PDE1A: variants seen among roughly 807,000 people sequenced by gnomAD.
PDE1A encodes dual specificity calcium/calmodulin-dependent 3',5'-cyclic nucleotide phosphodiesterase 1A.
PDE1A carries 35 observed loss-of-function variants against 61.7 expected under a neutral mutation model. That is an observed-to-expected ratio of 0.57 (90% confidence interval 0.43 to 0.75). The LOEUF (loss-of-function observed/expected upper bound fraction) is 0.75, where lower values mean the gene tolerates loss of function less well. Among genes scored for constraint, PDE1A ranks in the 30% least tolerant of loss-of-function variants. The pLI, the probability that PDE1A is intolerant of heterozygous loss-of-function variation, is 0.00. For missense variants in PDE1A, 597 were observed against 630.6 expected (o/e 0.95, Z 0.57); for synonymous variants, 232 against 213.2 (o/e 1.09, Z -0.77).
intron 2 of PDE1A, among the ~76,000 whole-genome samples, chr2:182,497,444 C>T (rs1350712134): frequency 6.6e-6 from 1 of 152,310 alleles, no homozygotes; most frequent in East Asian, 1.9e-4. Context: ...AAGGTAAGTC[C>T]TTAATTTCCT....
chr2:182,557,365 C>A, the PDE1A span, among the ~76,000 whole-genome samples: 2 of 152,124 alleles, frequency 1.3e-5, no homozygotes, highest in South Asian at 2.1e-4. Context: ...TTTCTCTGCA[C>A]TGTCATCTCT....
intron 1 of PDE1A, among the ~76,000 whole-genome samples, chr2:182,272,802 T>C (rs1283376961): frequency 6.6e-6 from 1 of 152,070 alleles, no homozygotes; most frequent in East Asian, 1.9e-4. Context: ...AATATATGTA[T>C]GAAAAAATAC....
the PDE1A span, among the ~76,000 whole-genome samples, chr2:182,647,663 T>C: frequency 0.16 from 23,723 of 152,138 alleles, 2,439 homozygotes; most frequent in African/African-American, 0.29. Context: ...CACCATCTGG[T>C]TCCAAAACCT....
At chr2:182,619,529 C>T in the PDE1A span, among the ~76,000 whole-genome samples, 2 of 152,040 alleles carry the variant, frequency 1.3e-5, no homozygotes, top group African/African-American at 4.8e-5. Flanking sequence ...TGAGTGCCTA[C>T]ATGGAAATAT....
At chr2:182,556,060 C>T in the PDE1A span, among the ~76,000 whole-genome samples, 1 of 146,382 alleles carries the variant, frequency 6.8e-6, no homozygotes, top group Non-Finnish European at 1.5e-5. Flanking sequence ...GAACTGTGTG[C>T]ATTGGTGAAT....
At chr2:182,607,798 A>C in the PDE1A span, among the ~76,000 whole-genome samples, 2 of 152,240 alleles carry the variant, frequency 1.3e-5, no homozygotes, top group African/African-American at 4.8e-5. Context: ...TTACTTAGGA[A>C]GTGACCTTGG....
At chr2:182,580,370 G>A in the PDE1A span, among the ~76,000 whole-genome samples, 7 of 152,104 alleles carry the variant, frequency 4.6e-5, no homozygotes, top group East Asian at 1.3e-3. Flanking sequence ...TTCGCTTATG[G>A]GTAGCTGTCT....
At chr2:182,279,355 T>C (rs1693651697) in intron 1 of PDE1A, among the ~76,000 whole-genome samples, 1 of 151,956 alleles carries the variant, frequency 6.6e-6, no homozygotes. Flanking sequence ...CAGTCTTCTT[T>C]AGGACTTGTT....
chr2:182,222,637 T>C (rs1688823110), intron 7 of PDE1A, among the ~76,000 whole-genome samples: 1 of 151,966 alleles, frequency 6.6e-6, no homozygotes, highest in Admixed American at 6.6e-5. Context: ...AACTTTAAGG[T>C]AGCAGGAGGA....
At chr2:182,707,768 T>A in the PDE1A span, among the ~76,000 whole-genome samples, 4 of 152,172 alleles carry the variant, frequency 2.6e-5, no homozygotes, top group African/African-American at 9.7e-5. Flanking sequence ...ACTTCCTGAC[T>A]TATTTTATGA....
In PDE1A at chr2:182,242,458, TGAAAAG is replaced by T. The variant is rs140830047; in HGVS notation, c.168-2172_168-2167del. On this transcript the variant is annotated intron_variant, in intron 2 of 13. Transcript: ENST00000351439. ...GCATGGAATATGCTATTGTGTAACT[TGAAAAG>T]GGAATCTTGAAAAGGCAACAACTAC... is the stretch of plus-strand genomic sequence containing the variant. 3.0e-3 allele frequency among the ~76,000 whole-genome samples: 464 copies of T among 152,266 alleles called. 4 individuals carry two copies. Among genetic ancestry groups the T allele is most frequent in the African/African-American group, 0.011 (453 of 41,552 alleles).
chr2:182,520,529 AC>A (rs1690500939), intron 2 of PDE1A, among the ~76,000 whole-genome samples: 1 of 151,942 alleles, frequency 6.6e-6, no homozygotes, highest in Non-Finnish European at 1.5e-5. Flanking sequence ...TGACTCTATC[AC>A]CCTTTTCTGA....
the PDE1A span, among the ~76,000 whole-genome samples, chr2:182,594,917 A>G: frequency 2.6e-5 from 4 of 152,196 alleles, no homozygotes; most frequent in Non-Finnish European, 5.9e-5. Context: ...CAGGGATTCA[A>G]TGGAATGGCA....
chr2:182,608,351 T>C, the PDE1A span, among the ~76,000 whole-genome samples: 1 of 152,230 alleles, frequency 6.6e-6, no homozygotes, highest in African/African-American at 2.4e-5. Context: ...CGGCGCCTCC[T>C]CGGCCTTGGC....
At chr2:182,243,021 G>A (rs922633368) in intron 2 of PDE1A, among the ~76,000 whole-genome samples, 1 of 151,664 alleles carries the variant, frequency 6.6e-6, no homozygotes, top group African/African-American at 2.4e-5. Flanking sequence ...AACTACCAGT[G>A]TAGGTTATAA....
the PDE1A span, among the ~76,000 whole-genome samples, chr2:182,576,605 T>C: frequency 8.5e-5 from 13 of 152,334 alleles, no homozygotes; most frequent in South Asian, 2.5e-3. Context: ...CTGGATTATA[T>C]GGTACTTCTA....
chr2:182,655,085 G>C, the PDE1A span, among the ~76,000 whole-genome samples: 14 of 152,184 alleles, frequency 9.2e-5, no homozygotes, highest in African/African-American at 3.1e-4. Context: ...ATAGCGTAAA[G>C]AGGATAGTAA....
At chr2:182,485,394 C>A (rs1405547838) in intron 2 of PDE1A, among the ~76,000 whole-genome samples, 1 of 151,836 alleles carries the variant, frequency 6.6e-6, no homozygotes, top group Admixed American at 6.6e-5. Flanking sequence ...GAGGGAGGAG[C>A]AGAAAAGATA....
the PDE1A span, among the ~76,000 whole-genome samples, chr2:182,675,666 G>A: frequency 1.2e-4 from 19 of 152,030 alleles, no homozygotes; most frequent in Non-Finnish European, 1.9e-4. Flanking sequence ...GTATTACATG[G>A]TATCTCATTG....
Sources: gnomAD v4.1 joint callset for allele counts (sites outside exome capture counted in the v4.1 genomes callset) on GRCh38, gnomAD v4.1.1 for gene constraint, MANE v1.5 for transcripts, NCBI Gene and HGNC (gene_info 2026-07-23, HGNC 2026-07-21) for gene names.